Variants in STXBP6 observed in about 807,000 individuals in gnomAD.
STXBP6 encodes the protein syntaxin binding protein 6, also known as syntaxin-binding protein 6.
STXBP6 carries 21 observed loss-of-function variants against 26.9 expected under a neutral mutation model. The ratio of observed to expected loss-of-function variants is 0.78; its 90% CI spans 0.55 to 1.12. STXBP6 has a LOEUF of 1.12. Among genes scored for constraint, STXBP6 ranks in the 50% most tolerant of loss-of-function variants. The pLI is 0.00. For synonymous variants in STXBP6, 97 were observed against 92.6 expected, an observed-to-expected ratio of 1.05 and a Z score of -0.27; for missense variants, 232 against 257.9, an observed-to-expected ratio of 0.90 and a Z score of 0.69.
At chr14:24,896,842 G>C (rs982659793) in intron 2 of STXBP6, among the ~76,000 whole-genome samples, 1 of 152,126 alleles carries the variant, frequency 6.6e-6, no homozygotes, top group African/African-American at 2.4e-5. Context: ...AAAAGCATCC[G>C]GAGTAAGCAT....
At chr14:25,040,830 C>T (rs539413183) in intron 1 of STXBP6, among the ~76,000 whole-genome samples, 3 of 152,202 alleles carry the variant, frequency 2.0e-5, no homozygotes, top group South Asian at 4.1e-4. Context: ...TCCCTAAAGC[C>T]GATGTCTTCA....
intron 2 of STXBP6, among the ~76,000 whole-genome samples, chr14:24,919,439 A>G (rs1397638236): frequency 1.3e-5 from 2 of 148,310 alleles, no homozygotes; most frequent in Non-Finnish European, 3.0e-5. Flanking sequence ...AATGCGAAAA[A>G]TAAAAAAAAA....
At chr14:24,952,596 T>C (rs1372373265) in intron 2 of STXBP6, among the ~76,000 whole-genome samples, 1 of 152,114 alleles carries the variant, frequency 6.6e-6, no homozygotes, top group East Asian at 1.9e-4. Context: ...TCATACAAAT[T>C]TGACCCCAAC....
At chr14:24,917,432 T>C (rs542440510) in intron 2 of STXBP6, among the ~76,000 whole-genome samples, 1 of 152,186 alleles carries the variant, frequency 6.6e-6, no homozygotes, top group South Asian at 2.1e-4. Context: ...AGCACAGCTT[T>C]AGCAACAACC....
chr14:24,877,903 C>T (rs1306880361), intron 2 of STXBP6, among the ~76,000 whole-genome samples: 1 of 152,128 alleles, frequency 6.6e-6, no homozygotes, highest in Non-Finnish European at 1.5e-5. Flanking sequence ...TCCTCATATA[C>T]ATGCCAAAAC....
chr14:24,876,403 C>A (rs1415577991), intron 2 of STXBP6, among the ~76,000 whole-genome samples: 2 of 152,150 alleles, frequency 1.3e-5, no homozygotes, highest in Non-Finnish European at 2.9e-5. Context: ...ATCTTGTTTC[C>A]TGGCCTCAAC....
At position 24,868,127 on chromosome 14, in the gene STXBP6, A is replaced by G. The variant is rs188091828; in HGVS notation, c.155-10970T>C. ...GGTGGGAGGATTGCCTGAGCCGGGG[A>G]GGCAGAAGTTGCAGTGAGCTGAGAT... On this transcript the variant is annotated intron_variant, in intron 2 of 5. Coordinates refer to ENST00000323944, the MANE Select transcript of STXBP6 (RefSeq NM_001394410.1). Among the ~76,000 whole-genome samples the G allele has an allele frequency of 5.8e-3, 880 of 152,270 alleles. 9 individuals are homozygous for G. Among genetic ancestry groups the G allele is most frequent in the African/African-American group, 0.02 (849 of 41,552 alleles).
chr14:24,880,083 T>C (rs574442299), intron 2 of STXBP6, among the ~76,000 whole-genome samples: 43 of 152,350 alleles, frequency 2.8e-4, no homozygotes, highest in African/African-American at 1.0e-3. Context: ...GACTAAGATA[T>C]GACATTAGTT....
rs1275562929 is a variant in STXBP6 at position 24,982,205 on chromosome 14, A to AC, written c.-32-7356dup. Among the ~76,000 whole-genome samples, 3 of 152,180 alleles carry AC rather than the reference A, an allele frequency of 2.0e-5. No individual in the cohort carries two copies. In the South Asian group the frequency reaches 6.2e-4, roughly 32 times the overall value. On this transcript the variant is annotated intron_variant, in intron 1 of 5. Transcript: ENST00000323944. Reference sequence around the variant, plus strand: ...ACCTATCAAAATACATTTTATTGAGACCCAATTATAAGTTGACCATATTCT... The same window carrying AC: ...ACCTATCAAAATACATTTTATTGAGACCCCAATTATAAGTTGACCATATTCT...
chr14:25,041,309 T>C (rs2140505680), intron 1 of STXBP6, among the ~76,000 whole-genome samples: 1 of 151,426 alleles, frequency 6.6e-6, no homozygotes, highest in African/African-American at 2.4e-5. Flanking sequence ...AGAGCAAAAC[T>C]CCATCTCAAA....
rs1358631706 is a variant in STXBP6 at position 25,049,772 on chromosome 14, G to T, written c.-33+106C>A. On this transcript the variant is annotated intron_variant, in intron 1 of 5. Coordinates refer to ENST00000323944, the MANE Select transcript of STXBP6 (RefSeq NM_001394410.1). This position sits in a 1 kb window ranked among gnomAD's most constrained non-coding sequence, Gnocchi z 5.6. Reference sequence around the variant, plus strand: ...TACTCCCCTGGCCTCACAGCCACCCGCCTCGGACGGAGCGCCAGGCGCCCC... The same window carrying T: ...TACTCCCCTGGCCTCACAGCCACCCTCCTCGGACGGAGCGCCAGGCGCCCC... 4.1e-6 allele frequency: 4 copies of T among 985,512 alleles called. No homozygotes were observed. The highest frequency in any genetic ancestry group is 6.1e-5 in the Admixed American group (1 of 16,296). 61.0% of individuals were successfully genotyped at this position (985,512 alleles called of 1,614,324 possible).
At chr14:25,011,151 CA>C (rs2075019514) in intron 1 of STXBP6, among the ~76,000 whole-genome samples, 1 of 151,242 alleles carries the variant, frequency 6.6e-6, no homozygotes, top group Non-Finnish European at 1.5e-5. Flanking sequence ...ATCTACTTTC[CA>C]ACAAAGAAAT....
chr14:24,965,299 C>T (rs1227940463), intron 2 of STXBP6, among the ~76,000 whole-genome samples: 5 of 128,790 alleles, frequency 3.9e-5, no homozygotes, highest in Admixed American at 7.8e-5. Flanking sequence ...ACATGGGTCA[C>T]GGATGCCTGT....
At chr14:25,031,770 G>T (rs2075460888) in intron 1 of STXBP6, among the ~76,000 whole-genome samples, 1 of 146,632 alleles carries the variant, frequency 6.8e-6, no homozygotes, top group Non-Finnish European at 1.5e-5. Context: ...CAGGACAAAT[G>T]AAGATAATTT....
At chr14:24,892,189 A>T (rs1241614) in intron 2 of STXBP6, among the ~76,000 whole-genome samples, 1 of 151,230 alleles carries the variant, frequency 6.6e-6, no homozygotes, top group African/African-American at 2.4e-5. Flanking sequence ...ATACAAAGGT[A>T]ATGTATACAT....
In STXBP6 at chr14:24,962,110, C is replaced by G. The variant is rs116663484; in HGVS notation, c.154+12555G>C. Among the ~76,000 whole-genome samples, 1,210 of 152,094 alleles carry G rather than the reference C, an allele frequency of 8.0e-3. 16 individuals are homozygous for G. Among genetic ancestry groups the G allele is most frequent in the African/African-American group, 0.027 (1,133 of 41,486 alleles). ...TCCTCTCTTTCTCTGCAAACACAGA[C>G]AGAATCACACATGCACAGTACCCTT... On this transcript the variant is annotated intron_variant, in intron 2 of 5. Coordinates refer to ENST00000323944, the MANE Select transcript of STXBP6 (RefSeq NM_001394410.1).
At chr14:24,926,286 T>C (rs2072166037) in intron 2 of STXBP6, among the ~76,000 whole-genome samples, 1 of 151,992 alleles carries the variant, frequency 6.6e-6, no homozygotes, top group South Asian at 2.1e-4. Flanking sequence ...GTGGTAAAAA[T>C]TGGGACAAGA....
At chr14:24,932,551 T>C (rs2072455064) in intron 2 of STXBP6, among the ~76,000 whole-genome samples, 1 of 151,916 alleles carries the variant, frequency 6.6e-6, no homozygotes, top group Non-Finnish European at 1.5e-5. Context: ...ATAAAAATAT[T>C]CTTTGGCTTG....
chr14:24,837,221 C>A (rs561968668), intron 4 of STXBP6, among the ~76,000 whole-genome samples: 1 of 152,126 alleles, frequency 6.6e-6, no homozygotes, highest in Admixed American at 6.5e-5. Context: ...TTCTGTGGAA[C>A]ATAGGAAAAT....
Sources: allele counts gnomAD v4.1 joint callset (sites outside exome capture counted in the v4.1 genomes callset), GRCh38; gene constraint gnomAD v4.1.1; non-coding constraint Gnocchi (gnomAD v3.1); transcripts MANE v1.5; gene names NCBI Gene and HGNC (gene_info 2026-07-23, HGNC 2026-07-21).